The following LMO7 variants were observed in gnomAD, a reference collection of about 807,000 sequenced individuals.
LMO7 encodes LIM domain only protein 7.
LMO7 carries 120 observed loss-of-function variants against 206.5 expected under a neutral mutation model. That is an observed-to-expected ratio of 0.58 (90% CI 0.50 to 0.68). The LOEUF is 0.68. Ranked by LOEUF, LMO7 falls within the 30% of genes least tolerant of loss-of-function variation. The pLI is 0.00. For synonymous variants in LMO7, 706 were observed against 681.5 expected (o/e 1.04, Z -0.56); for missense variants, 1,959 against 1,957.9 (o/e 1.00, Z -0.01).
At chr13:75,733,523 A>G (rs2045490031) in intron 3 of LMO7, among the ~76,000 whole-genome samples, 1 of 152,146 alleles carries the variant, frequency 6.6e-6, no homozygotes, top group Admixed American at 6.5e-5. Context: ...TCCAGGTACC[A>G]TCTGTCACCC....
chr13:75,630,814 CTTTTTTT>C (rs981162078), intron 2 of LMO7, among the ~76,000 whole-genome samples: 6 of 118,792 alleles, frequency 5.1e-5, no homozygotes, highest in East Asian at 7.5e-4. Flanking sequence ...TTTCTTTTTT[CTTTTTTT>C]CTTTTTGTAT....
At chr13:75,755,247 T>TAAAA (rs2047588146) in intron 3 of LMO7, among the ~76,000 whole-genome samples, 1 of 152,202 alleles carries the variant, frequency 6.6e-6, no homozygotes, top group African/African-American at 2.4e-5. Flanking sequence ...CTGGAGTTTT[T>TAAAA]GCCCATGAAA....
intron 1 of LMO7, among the ~76,000 whole-genome samples, chr13:75,703,438 C>T (rs1053487845): frequency 6.6e-6 from 1 of 152,084 alleles, no homozygotes; most frequent in African/African-American, 2.4e-5. Context: ...ATTTGATGCT[C>T]AATGCGCTGA....
intron 4 of LMO7, among the ~76,000 whole-genome samples, chr13:75,794,570 A>T (rs1168754319): frequency 6.6e-6 from 1 of 152,160 alleles, no homozygotes; most frequent in Non-Finnish European, 1.5e-5. Flanking sequence ...CTGTGCTGTT[A>T]GACTGGACAG....
chr13:75,747,703 G>C (rs1192178838), intron 3 of LMO7, among the ~76,000 whole-genome samples: 2 of 152,178 alleles, frequency 1.3e-5, no homozygotes, highest in African/African-American at 2.4e-5. Context: ...GTGGTAGGTG[G>C]AATAATGGCC....
At chr13:75,823,962 G>T in intron 15 of LMO7, 89 bp downstream of exon 15, 1 of 1,055,916 alleles carries the variant, frequency 9.5e-7, no homozygotes, top group Non-Finnish European at 1.4e-6. Flanking sequence ...AAACCTCTAG[G>T]TGTTAATCTG....
intron 15 of LMO7, among the ~76,000 whole-genome samples, chr13:75,826,361 C>T (rs1489206114): frequency 6.6e-6 from 1 of 152,118 alleles, no homozygotes; most frequent in Non-Finnish European, 1.5e-5. Flanking sequence ...CTTTTCTATC[C>T]TGGCTTCCAC....
intron 2 of LMO7, among the ~76,000 whole-genome samples, chr13:75,724,861 C>G (rs1479480212): frequency 1.3e-5 from 2 of 152,072 alleles, no homozygotes; most frequent in Admixed American, 1.3e-4. Context: ...TTTAGTGACT[C>G]AATTTTTTAG....
At chr13:75,795,639 G>T (rs1318916820) in intron 5 of LMO7, among the ~76,000 whole-genome samples, 1 of 152,188 alleles carries the variant, frequency 6.6e-6, no homozygotes, top group Non-Finnish European at 1.5e-5. Flanking sequence ...AAGGGAGAAC[G>T]TGTGGTATTT....
intron 17 of LMO7, among the ~76,000 whole-genome samples, chr13:75,834,934 A>G (rs1466271146): frequency 2.6e-5 from 4 of 152,102 alleles, no homozygotes; most frequent in Non-Finnish European, 4.4e-5. Context: ...GATTCAGCAA[A>G]TTTGCTAGTT....
At chr13:75,681,005 A>G (rs1412826120) in intron 1 of LMO7, among the ~76,000 whole-genome samples, 1 of 151,346 alleles carries the variant, frequency 6.6e-6, no homozygotes, top group Non-Finnish European at 1.5e-5. Context: ...CCACTTTTTA[A>G]TGAGGTTTTT....
chr13:75,743,069 A>G (rs1429046570), intron 3 of LMO7, among the ~76,000 whole-genome samples: 6 of 152,344 alleles, frequency 3.9e-5, no homozygotes, highest in Middle Eastern at 3.4e-3. Context: ...ACATGGGCAG[A>G]CACTTTTCAA....
intron 3 of LMO7, among the ~76,000 whole-genome samples, chr13:75,729,278 T>G (rs1218515326): frequency 6.6e-6 from 1 of 150,514 alleles, no homozygotes; most frequent in African/African-American, 2.4e-5. Flanking sequence ...GTTCTTCCAT[T>G]TGTTTGTATC....
chr13:75,817,233 GA>G lies in LMO7; in HGVS notation c.2023del (p.Ile675Ter). On this transcript the variant is annotated frameshift_variant, in exon 12 of 31. Coordinates refer to ENST00000377534, the MANE Select transcript of LMO7 (RefSeq NM_001306080.2). LOFTEE classifies it high-confidence loss of function. ...GTCAGCTGCGTTACGAGGAGATGCAGAAAATAAAATCACAATTAAAAGAACA... is the reference window on the plus strand; with the variant it reads ...GTCAGCTGCGTTACGAGGAGATGCAGAAATAAAATCACAATTAAAAGAACA... ...LRQLRYEEMQKIKSQLKEQDQ... is the reference protein window; with the variant it reads ...LRQLRYEEMQXIKSQLKEQDQ... 6.2e-7 allele frequency: 1 copy of G among 1,613,544 alleles called. No homozygotes were observed. The highest frequency in any genetic ancestry group is 8.5e-7 in the Non-Finnish European group (1 of 1,179,592).
chr13:75,836,005 T>C (rs1422558638), intron 18 of LMO7, among the ~76,000 whole-genome samples: 1 of 152,188 alleles, frequency 6.6e-6, no homozygotes, highest in South Asian at 2.1e-4. Context: ...TGTTATCATC[T>C]CAAGGTATAA....
intron 2 of LMO7, among the ~76,000 whole-genome samples, chr13:75,714,809 A>G (rs2138167209): frequency 6.6e-6 from 1 of 152,222 alleles, no homozygotes; most frequent in East Asian, 1.9e-4. Flanking sequence ...TAATGTTTAG[A>G]AGATGGAGGG....
intron 1 of LMO7, among the ~76,000 whole-genome samples, chr13:75,643,196 G>A (rs765808795): frequency 2.0e-5 from 3 of 152,202 alleles, no homozygotes; most frequent in African/African-American, 7.2e-5. Context: ...GCTTTGGGTA[G>A]TGAGGGACTG....
At chr13:75,849,807 A>G (rs1284001328) in intron 27 of LMO7, among the ~76,000 whole-genome samples, 1 of 152,216 alleles carries the variant, frequency 6.6e-6, no homozygotes, top group Non-Finnish European at 1.5e-5. Context: ...GAGTGCAGGA[A>G]CATTTTAAAA....
chr13:75,770,191 C>A (rs201729257), intron 4 of LMO7, among the ~76,000 whole-genome samples: 1 of 89,706 alleles, frequency 1.1e-5, no homozygotes, highest in South Asian at 3.5e-4. Flanking sequence ...TTTTTTTTTT[C>A]CCCACCGAAG....
Sources: allele counts gnomAD v4.1 joint callset (sites outside exome capture counted in the v4.1 genomes callset), GRCh38; gene constraint gnomAD v4.1.1; transcripts MANE v1.5; gene names NCBI Gene and HGNC (gene_info 2026-07-23, HGNC 2026-07-21).